Variants in FUT8 observed in about 807,000 individuals in gnomAD.
FUT8 encodes alpha-(1,6)-fucosyltransferase.
Under a neutral mutation model 71.3 loss-of-function variants are expected in FUT8, and 29 were observed. That is an observed-to-expected ratio of 0.41 (90% CI 0.30 to 0.55). FUT8 has a LOEUF of 0.55. FUT8 is among the 20% of genes least tolerant of loss of function. The probability of loss-of-function intolerance (pLI) is 0.34; values close to 1 mark genes in which losing one functional copy is unlikely to be tolerated. For missense variants in FUT8, 544 were observed against 702.1 expected, an observed-to-expected ratio of 0.77 and a Z score of 2.55; for synonymous variants, 254 against 239.3, an observed-to-expected ratio of 1.06 and a Z score of -0.57.
chr14:65,380,327 C>G, the FUT8 span, among the ~76,000 whole-genome samples: 1 of 152,114 alleles, frequency 6.6e-6, no homozygotes, highest in Non-Finnish European at 1.5e-5. Flanking sequence ...TACCTCCCCC[C>G]GGGTCCCTCC....
intron 2 of FUT8, among the ~76,000 whole-genome samples, chr14:65,535,965 G>A (rs1394874711): frequency 6.6e-6 from 1 of 152,170 alleles, no homozygotes; most frequent in Admixed American, 6.5e-5. Flanking sequence ...GGATACTCCT[G>A]TGTTGGGTGC....
intron 2 of FUT8, among the ~76,000 whole-genome samples, chr14:65,517,141 A>G (rs780660676): frequency 1.1e-4 from 17 of 151,788 alleles, no homozygotes; most frequent in Non-Finnish European, 1.9e-4. Context: ...CATTGTTTCT[A>G]CTTTTGGCTA....
In FUT8 at chr14:65,416,293, A is replaced by G. The variant is rs553059000; in HGVS notation, c.-326+3079A>G. Reference sequence around the variant, plus strand: ...AAGATTTTTAAACAACTCTGAAACTAAAAGTATTACTATTATGGTACCTTT... The same window carrying G: ...AAGATTTTTAAACAACTCTGAAACTGAAAGTATTACTATTATGGTACCTTT... On this transcript the variant is annotated intron_variant, in intron 1 of 10. Coordinates refer to ENST00000673929, the MANE Select transcript of FUT8 (RefSeq NM_001371533.1). 6.6e-5 allele frequency among the ~76,000 whole-genome samples: 10 copies of G among 152,116 alleles called. No homozygotes were observed. The South Asian group carries it at 2.1e-3, about 32-fold the overall frequency.
At chr14:65,567,152 C>A (rs971778610) in intron 3 of FUT8, among the ~76,000 whole-genome samples, 1 of 151,844 alleles carries the variant, frequency 6.6e-6, no homozygotes, top group Admixed American at 6.6e-5. Flanking sequence ...TGGCTTTTGG[C>A]CTTTTGGCCG....
intron 2 of FUT8, among the ~76,000 whole-genome samples, chr14:65,545,906 G>A (rs72714483): frequency 0.13 from 19,690 of 151,642 alleles, 1,714 homozygotes; most frequent in Middle Eastern, 0.2. Context: ...AATAAATGCT[G>A]TTGAAATTTT....
At chr14:65,691,870 T>C (rs953800531) in intron 7 of FUT8, among the ~76,000 whole-genome samples, 4 of 152,206 alleles carry the variant, frequency 2.6e-5, no homozygotes, top group African/African-American at 9.7e-5. Flanking sequence ...TTAATCCATT[T>C]AACCCTGAGT....
At chr14:65,508,995 G>A (rs1006200670) in intron 2 of FUT8, among the ~76,000 whole-genome samples, 1 of 151,714 alleles carries the variant, frequency 6.6e-6, no homozygotes, top group African/African-American at 2.4e-5. Context: ...AGAAATCATT[G>A]CCCAGACCGA....
intron 2 of FUT8, among the ~76,000 whole-genome samples, chr14:65,520,401 A>G (rs1044545914): frequency 6.6e-6 from 1 of 152,120 alleles, no homozygotes; most frequent in Non-Finnish European, 1.5e-5. Context: ...AGAGGAGAGA[A>G]GACATGTTCT....
At chr14:65,676,084 A>G (rs576495267) in intron 7 of FUT8, among the ~76,000 whole-genome samples, 1 of 152,326 alleles carries the variant, frequency 6.6e-6, no homozygotes, top group African/African-American at 2.4e-5. Context: ...TTACCCTTCT[A>G]GCTATGTGAA....
At position 65,561,760 on chromosome 14, in the gene FUT8, C is replaced by T. The variant is rs181724726; in HGVS notation, c.197C>T (p.Ser66Phe). The change falls in exon 3 of 11, where the codon TCT becomes TTT. Residue 66 changes from serine (S) to phenylalanine (F), a missense_variant. Transcript: ENST00000673929. The part of the protein sequence containing the change: ...QNEDLRRMAE[S>F]LRIPEGPIDQ... The stretch of plus-strand genomic sequence containing the variant: ...GAAGACTTGAGGCGAATGGCCGAAT[C>T]TCTCCGGTAGGTCCTAAAATACTGA... 1.7e-5 allele frequency: 27 copies of T among 1,612,076 alleles called. No individual in the cohort carries two copies. In the Admixed American group the frequency reaches 4.2e-4, roughly 25 times the overall value.
At chr14:65,582,276 TG>T (rs1887134919) in intron 3 of FUT8, among the ~76,000 whole-genome samples, 1 of 152,214 alleles carries the variant, frequency 6.6e-6, no homozygotes, top group East Asian at 1.9e-4. Flanking sequence ...TTTTTTTTCC[TG>T]GAAGTGTTAT....
At chr14:65,566,474 G>A (rs1351749225) in intron 3 of FUT8, among the ~76,000 whole-genome samples, 1 of 151,948 alleles carries the variant, frequency 6.6e-6, no homozygotes, top group East Asian at 1.9e-4. Flanking sequence ...GGCTTATATA[G>A]CCAGAGTTAT....
the FUT8 span, among the ~76,000 whole-genome samples, chr14:65,389,344 G>A: frequency 6.6e-6 from 1 of 151,346 alleles, no homozygotes; most frequent in Non-Finnish European, 1.5e-5. Context: ...CAAGTAGCTG[G>A]GACCACAAGA....
chr14:65,667,848 C>G (rs766480889), intron 6 of FUT8, among the ~76,000 whole-genome samples: 2 of 152,038 alleles, frequency 1.3e-5, no homozygotes, highest in African/African-American at 2.4e-5. Context: ...CCATACCAAA[C>G]AGCATGGTAC....
At chr14:65,437,974 G>C (rs913933220) in intron 1 of FUT8, among the ~76,000 whole-genome samples, 1 of 152,074 alleles carries the variant, frequency 6.6e-6, no homozygotes, top group African/African-American at 2.4e-5. Flanking sequence ...TGTTGGACAT[G>C]TTGGTTTCAT....
chr14:65,597,528 C>A (rs1400925129), intron 3 of FUT8, among the ~76,000 whole-genome samples: 1 of 151,704 alleles, frequency 6.6e-6, no homozygotes, highest in Non-Finnish European at 1.5e-5. Context: ...GAGGCTGAGG[C>A]AGGAGAATGG....
Position 65,413,458 on chromosome 14 carries a change from C to A in FUT8, c.-326+244C>A, listed in dbSNP as rs1463507592. Among the ~76,000 whole-genome samples, 1 of 150,514 alleles carries A rather than the reference C, an allele frequency of 6.6e-6. No individual in the cohort carries two copies. The highest frequency in any genetic ancestry group is 2.4e-5 in the African/African-American group (1 of 41,102). On this transcript the variant is annotated intron_variant, in intron 1 of 10. Transcript: ENST00000673929. This position sits in a 1 kb window ranked among gnomAD's most constrained non-coding sequence, Gnocchi z 4.1. ...GGTGAGGGGCGCCCGCCTCTCCAGC[C>A]GGGACGCGGAGCTGCGCCGCTGCTG...
intron 7 of FUT8, among the ~76,000 whole-genome samples, chr14:65,693,571 T>C (rs1893828571): frequency 6.6e-6 from 1 of 152,152 alleles, no homozygotes; most frequent in Admixed American, 6.5e-5. Context: ...AATAATTCTT[T>C]TTATACATTG....
chr14:65,614,405 C>T (rs1889173257), intron 3 of FUT8, among the ~76,000 whole-genome samples: 1 of 152,150 alleles, frequency 6.6e-6, no homozygotes, highest in Non-Finnish European at 1.5e-5. Context: ...AATATATGTA[C>T]GTATTAATTT....
Sources: allele counts gnomAD v4.1 joint callset (sites outside exome capture counted in the v4.1 genomes callset), GRCh38; gene constraint gnomAD v4.1.1; non-coding constraint Gnocchi (gnomAD v3.1); transcripts MANE v1.5; gene names NCBI Gene and HGNC (gene_info 2026-07-23, HGNC 2026-07-21).